The following CCDC57 variants were observed in gnomAD, a reference collection of about 807,000 sequenced individuals.
The protein encoded by CCDC57 is coiled-coil domain-containing protein 57.
Under a neutral mutation model 118.9 loss-of-function variants are expected in CCDC57, and 118 were observed. That is an observed-to-expected ratio of 0.99 (90% CI 0.86 to 1.16). The LOEUF (loss-of-function observed/expected upper bound fraction) is 1.16. Ranked by LOEUF, CCDC57 falls within the 50% of genes most tolerant of loss-of-function variation. CCDC57 has a pLI of 0.00. For synonymous variants in CCDC57, 527 were observed against 532.9 expected (o/e 0.99, Z 0.15); for missense variants, 1,300 against 1,320.7 (o/e 0.98, Z 0.24).
chr17:82,144,764 G>A (rs907632135), intron 16 of CCDC57, among the ~76,000 whole-genome samples: 2 of 152,102 alleles, frequency 1.3e-5, no homozygotes, highest in Admixed American at 6.6e-5. Flanking sequence ...ATGCACATAT[G>A]CCTAATAAAG....
chr17:82,121,203 C>T (rs62080004), intron 19 of CCDC57, among the ~76,000 whole-genome samples: 81,367 of 151,982 alleles, frequency 0.54, 22,627 homozygotes, highest in Non-Finnish European at 0.58. Context: ...CTGTGCAACA[C>T]AGTGAGACCG....
intron 2 of CCDC57, among the ~76,000 whole-genome samples, chr17:82,204,001 G>A (rs1341040269): frequency 6.6e-6 from 1 of 152,186 alleles, no homozygotes; most frequent in East Asian, 1.9e-4. Context: ...ACAAGGAGGA[G>A]GTGGGTAAGG....
chr17:82,172,561 A>G lies in CCDC57; in HGVS notation c.1729+77T>C. ...TGAAGCCTCCTTGAAGCCAGTCAAGACCCATGCTCCCGTCTGTCCTCCTCC... is the reference window on the plus strand; with the variant it reads ...TGAAGCCTCCTTGAAGCCAGTCAAGGCCCATGCTCCCGTCTGTCCTCCTCC... On this transcript the variant is annotated intron_variant, in intron 12 of 19. Transcript: ENST00000665763. The surrounding 1 kb of genome is among the most constrained non-coding windows in gnomAD (Gnocchi z 5.2). The G allele has an allele frequency of 1.6e-6, 2 of 1,253,634 alleles. No homozygotes were observed. The highest frequency in any genetic ancestry group is 5.1e-5 in the East Asian group (2 of 39,560). 77.7% of individuals were successfully genotyped at this position (1,253,634 alleles called of 1,614,324 possible).
At chr17:82,182,358 CTT>C (rs1252818782) in intron 9 of CCDC57, among the ~76,000 whole-genome samples, 8 of 142,884 alleles carry the variant, frequency 5.6e-5, no homozygotes, top group Non-Finnish European at 9.2e-5. Flanking sequence ...GGTACTTTTC[CTT>C]TTTTTTTTTT....
intron 14 of CCDC57, among the ~76,000 whole-genome samples, chr17:82,158,658 A>G (rs1435087183): frequency 1.4e-5 from 2 of 146,420 alleles, no homozygotes; most frequent in African/African-American, 5.1e-5. Context: ...AGTGTACTCC[A>G]GCCTGGGCGA....
intron 3 of CCDC57, 105 bp downstream of exon 2, chr17:82,201,433 A>C (rs2048977092): frequency 1.5e-6 from 2 of 1,334,308 alleles, no homozygotes; most frequent in Non-Finnish European, 1.0e-6. Context: ...CAGCGGGAGG[A>C]GGGGCAGTGA....
chr17:82,131,448 A>G (rs778986083), intron 17 of CCDC57, among the ~76,000 whole-genome samples: 4 of 151,026 alleles, frequency 2.6e-5, no homozygotes, highest in African/African-American at 4.9e-5. Flanking sequence ...ATAAATAAAT[A>G]AAATAAATAC....
At chr17:82,187,474 C>T (rs895214861) in intron 8 of CCDC57, among the ~76,000 whole-genome samples, 1 of 127,064 alleles carries the variant, frequency 7.9e-6, no homozygotes, top group African/African-American at 3.1e-5. Flanking sequence ...TACAGGAGGT[C>T]CCCAGCCCGG....
chr17:82,157,974 G>A, intron 14 of CCDC57, 26 bp from the exon 14 acceptor site: 1 of 1,544,328 alleles, frequency 6.5e-7, no homozygotes, highest in Non-Finnish European at 8.7e-7. Context: ...AAGGCAGTGT[G>A]AGGAATGAGG....
chr17:82,115,650 CTCT>C (rs1568152480), intron 19 of CCDC57, among the ~76,000 whole-genome samples: 1 of 151,992 alleles, frequency 6.6e-6, no homozygotes, highest in Non-Finnish European at 1.5e-5. Flanking sequence ...TGGCTTACAT[CTCT>C]GGTCCCAGCT....
At chr17:82,144,284 G>C (rs2040419288) in intron 16 of CCDC57, among the ~76,000 whole-genome samples, 1 of 151,988 alleles carries the variant, frequency 6.6e-6, no homozygotes, top group African/African-American at 2.4e-5. Flanking sequence ...TGCCAGCCTG[G>C]GTGTCAGAGC....
intron 3 of CCDC57, among the ~76,000 whole-genome samples, chr17:82,199,898 G>A (rs992451194): frequency 1.3e-5 from 2 of 152,216 alleles, no homozygotes; most frequent in East Asian, 1.9e-4. Context: ...AATGACTGCT[G>A]ACTGGCACTT....
intron 17 of CCDC57, among the ~76,000 whole-genome samples, chr17:82,129,501 C>T (rs1357840322): frequency 6.6e-6 from 1 of 152,212 alleles, no homozygotes; most frequent in Non-Finnish European, 1.5e-5. Context: ...ACAGTGGATG[C>T]AGAGTGTACT....
intron 19 of CCDC57, chr17:82,107,677 C>G: frequency 4.4e-6 from 2 of 454,108 alleles, no homozygotes; most frequent in Non-Finnish European, 9.1e-6. Context: ...CCCTGCTGTC[C>G]AACAGCTGCA....
intron 3 of CCDC57, among the ~76,000 whole-genome samples, chr17:82,200,897 G>A (rs1029710196): frequency 2.0e-5 from 3 of 152,208 alleles, no homozygotes; most frequent in African/African-American, 7.2e-5. Context: ...GCATGCAGCC[G>A]GCTCTCCTAA....
intron 19 of CCDC57, chr17:82,126,639 T>C (rs2037473622): frequency 1.0e-6 from 1 of 985,226 alleles, no homozygotes; most frequent in African/African-American, 1.7e-5. Context: ...CAGACACTGC[T>C]GCTGGGAGCA....
At position 82,172,147 on chromosome 17, in the gene CCDC57, C is replaced by T. The variant is rs139705089; in HGVS notation, c.1730-294G>A. ...AAATGCTCCACCTGCCGCCAGCCCA[C>T]GTGCCTCTGTGCAGAGGGGCCAAGT... On this transcript the variant is annotated intron_variant, in intron 12 of 19. Coordinates refer to ENST00000665763, the Ensembl canonical transcript of CCDC57. This position sits in a 1 kb window ranked among gnomAD's most constrained non-coding sequence, Gnocchi z 5.2. Among the ~76,000 whole-genome samples the T allele has an allele frequency of 1.1e-3, 162 of 152,350 alleles. No individual in the cohort carries two copies. The highest frequency in any genetic ancestry group is 3.5e-3 in the African/African-American group (147 of 41,580).
intron 15 of CCDC57, chr17:82,156,290 CAA>C (rs35618937): frequency 0.012 from 1,708 of 144,014 alleles, 18 homozygotes; most frequent in Non-Finnish European, 0.018. Flanking sequence ...GACTCTGTCT[CAA>C]AAAAAAAAAA....
At chr17:82,103,195 G>A (rs916809506) in intron 19 of CCDC57, among the ~76,000 whole-genome samples, 1 of 152,236 alleles carries the variant, frequency 6.6e-6, no homozygotes, top group African/African-American at 2.4e-5. Context: ...TCCCAGCCCT[G>A]GCCCTGGGCC....
Sources: gnomAD v4.1 joint callset for allele counts (sites outside exome capture counted in the v4.1 genomes callset) on GRCh38, gnomAD v4.1.1 for gene constraint, Gnocchi (gnomAD v3.1) non-coding constraint, MANE v1.5 for transcripts, NCBI Gene and HGNC (gene_info 2026-07-23, HGNC 2026-07-21) for gene names.